The following NUDT3 variants were observed in gnomAD, a reference collection of about 807,000 sequenced individuals.
NUDT3 encodes the protein diphosphoinositol polyphosphate phosphohydrolase 1.
A neutral mutation model predicts 23.6 loss-of-function variants in NUDT3; 9 were observed. That is an observed-to-expected ratio of 0.38 (90% CI 0.23 to 0.66). NUDT3 has a LOEUF of 0.66. NUDT3 is among the 30% of genes least tolerant of loss of function. NUDT3 has a pLI of 0.52. For synonymous variants in NUDT3, 86 were observed against 82.6 expected (o/e 1.04, Z -0.22); for missense variants, 172 against 218.5 (o/e 0.79, Z 1.34).
chr6:34,365,716 G>A (rs1437391013), intron 1 of NUDT3, among the ~76,000 whole-genome samples: 3 of 152,016 alleles, frequency 2.0e-5, no homozygotes, highest in African/African-American at 4.8e-5. Flanking sequence ...AGTTCGAGAC[G>A]AGTCTGGGTC....
At chr6:34,325,224 A>T (rs1228576421) in intron 2 of NUDT3, among the ~76,000 whole-genome samples, 3 of 149,862 alleles carry the variant, frequency 2.0e-5, no homozygotes, top group Non-Finnish European at 3.0e-5. Flanking sequence ...TATATAATGA[A>T]TTTTTTTTTC....
At chr6:34,341,995 T>C in intron 1 of NUDT3, 23 bp from the exon 2 acceptor site, 1 of 1,601,282 alleles carries the variant, frequency 6.2e-7, no homozygotes, top group South Asian at 1.1e-5. Context: ...AAAGGTTGCA[T>C]GGGGGGGTTA....
At chr6:34,351,214 A>AGAAAAAAC (rs1561915102) in intron 1 of NUDT3, among the ~76,000 whole-genome samples, 1 of 136,264 alleles carries the variant, frequency 7.3e-6, no homozygotes, top group Admixed American at 7.4e-5. Context: ...AAAAAAAAAA[A>AGAAAAAAC]AAAAAAAAAA....
In NUDT3 at chr6:34,346,812, G is replaced by A. The variant is rs369229960; in HGVS notation, c.100-4840C>T. 1.1e-3 allele frequency among the ~76,000 whole-genome samples: 168 copies of A among 152,140 alleles called. 1 individual carries two copies. Among genetic ancestry groups the A allele is most frequent in the East Asian group, 3.9e-3 (20 of 5,184 alleles). On this transcript the variant is annotated intron_variant, in intron 1 of 4. Transcript: ENST00000607016. ...ATTCTGTTGCCCAGGCTGAAGCGCC[G>A]TGGCAGGATCAAAGTTCACTGCAGC...
At chr6:34,333,903 C>T (rs150200080) in intron 2 of NUDT3, among the ~76,000 whole-genome samples, 59 of 152,310 alleles carry the variant, frequency 3.9e-4, no homozygotes, top group Non-Finnish European at 7.1e-4. Flanking sequence ...CTTAGGAAGG[C>T]TGAATACAGA....
chr6:34,358,294 CCTT>C, intron 1 of NUDT3, among the ~76,000 whole-genome samples: 1 of 151,716 alleles, frequency 6.6e-6, no homozygotes, highest in East Asian at 1.9e-4. Flanking sequence ...CACACACACC[CCTT>C]ATAATTTCTA....
At chr6:34,319,324 C>A (rs1489484283) in intron 2 of NUDT3, among the ~76,000 whole-genome samples, 1 of 152,192 alleles carries the variant, frequency 6.6e-6, no homozygotes, top group African/African-American at 2.4e-5. Flanking sequence ...AGTCACAAGT[C>A]CAGGCCTCTA....
At chr6:34,348,927 G>A (rs1581881738) in intron 1 of NUDT3, among the ~76,000 whole-genome samples, 2 of 151,734 alleles carry the variant, frequency 1.3e-5, no homozygotes, top group Admixed American at 6.6e-5. Flanking sequence ...TGGTGCAATC[G>A]TGGCTTACTG....
At chr6:34,368,071 T>G (rs1227094683) in intron 1 of NUDT3, among the ~76,000 whole-genome samples, 2 of 152,098 alleles carry the variant, frequency 1.3e-5, no homozygotes, top group African/African-American at 4.8e-5. Flanking sequence ...CGTGGTGGCA[T>G]GTGCCTGTAG....
Position 34,285,477 on chromosome 6 carries a change from G to A in NUDT3, c.*3276C>T, listed in dbSNP as rs1763323169. The A allele has an allele frequency of 6.6e-6, 1 of 152,192 alleles. No individual in the cohort carries two copies. The highest frequency in any genetic ancestry group is 2.1e-4 in the South Asian group (1 of 4,828). The allele number at this position is 152,192 out of a possible 1,614,324, so 9.4% of individuals were successfully genotyped here. A position where few individuals can be genotyped will look rare whatever the true frequency, so the allele number is the denominator to read the frequency against. ...TTGGTAGACTTTAATGGATGCTCCAGCAATAACCAGAATCTAGGACATGCA... is the reference window on the plus strand; with the variant it reads ...TTGGTAGACTTTAATGGATGCTCCAACAATAACCAGAATCTAGGACATGCA... On this transcript the variant is annotated 3_prime_UTR_variant, in exon 5 of 5. Transcript: ENST00000607016.
intron 1 of NUDT3, among the ~76,000 whole-genome samples, chr6:34,381,112 G>A (rs774211286): frequency 6.6e-6 from 1 of 152,038 alleles, no homozygotes; most frequent in Non-Finnish European, 1.5e-5. Context: ...GACCTCCCAC[G>A]CTCCAGTGAT....
chr6:34,382,686 C>T (rs1765041297), intron 1 of NUDT3, among the ~76,000 whole-genome samples: 1 of 151,706 alleles, frequency 6.6e-6, no homozygotes, highest in Admixed American at 6.6e-5. Flanking sequence ...AATAAATTAG[C>T]CAGGCATGGT....
At chr6:34,373,799 C>T (rs967992332) in intron 1 of NUDT3, among the ~76,000 whole-genome samples, 1 of 152,142 alleles carries the variant, frequency 6.6e-6, no homozygotes, top group African/African-American at 2.4e-5. Context: ...TGTGTTACAG[C>T]CTTTCATTCC....
intron 2 of NUDT3, among the ~76,000 whole-genome samples, chr6:34,296,283 T>A (rs373863276): frequency 4.1e-5 from 6 of 146,958 alleles, no homozygotes; most frequent in South Asian, 2.2e-4. Flanking sequence ...ATAAATAAAT[T>A]AATTAATTGG....
At chr6:34,304,975 A>AT (rs535349190) in intron 2 of NUDT3, among the ~76,000 whole-genome samples, 4,759 of 85,302 alleles carry the variant, frequency 0.056, 274 homozygotes, top group African/African-American at 0.098. Context: ...CCCGGTCTGA[A>AT]TTTTTTTTTT....
Position 34,392,343 on chromosome 6 carries a change from T to G in NUDT3, c.20A>C (p.Asn7Thr). 1.2e-6 allele frequency: 2 copies of G among 1,605,106 alleles called. No individual in the cohort carries two copies. Among genetic ancestry groups the G allele is most frequent in the Non-Finnish European group, 8.5e-7 (1 of 1,177,076 alleles). ...GTCGCCGTCGTAGGTGCGGGTCTGG[T>G]TCGACTTGAGCTTCATCATCCTCCG... Reference protein sequence around the residue: MMKLKSNQTRTYDGDGY... With the variant: MMKLKSTQTRTYDGDGY... The change falls in exon 1 of 5, where the codon AAC (asparagine) becomes ACC (threonine). Residue 7 changes from asparagine (N) to threonine (T), a missense_variant. Physicochemically the swap from Asn to Thr is moderately conservative, Grantham distance 65. This residue lies in a region of NUDT3 where 50 missense variants were observed against 46.2 expected (regional missense o/e 1.08). Transcript: ENST00000607016.
chr6:34,361,991 T>C lies in NUDT3; in HGVS notation c.100-20019A>G, dbSNP rs193135027. Among the ~76,000 whole-genome samples, 524 of 152,240 alleles carry C rather than the reference T, an allele frequency of 3.4e-3. 3 individuals carry two copies. The highest frequency in any genetic ancestry group is 3.7e-3 in the Non-Finnish European group (249 of 68,020). ...AGAACTCTAATGTAAAGTATGGGCT[T>C]TGGGTGATAATCATGTGTCATAGTA... On this transcript the variant is annotated intron_variant, in intron 1 of 4. Transcript: ENST00000607016.
chr6:34,353,196 G>A (rs1764504611), intron 1 of NUDT3, among the ~76,000 whole-genome samples: 1 of 152,018 alleles, frequency 6.6e-6, no homozygotes, highest in South Asian at 2.1e-4. Context: ...TATACACATT[G>A]TTCTACTTTG....
At chr6:34,373,122 A>G (rs1764859796) in intron 1 of NUDT3, among the ~76,000 whole-genome samples, 1 of 151,650 alleles carries the variant, frequency 6.6e-6, no homozygotes, top group Non-Finnish European at 1.5e-5. Flanking sequence ...TACTAAGAAT[A>G]CAAAAAATTA....
Sources: gnomAD v4.1 joint callset for allele counts (sites outside exome capture counted in the v4.1 genomes callset) on GRCh38, gnomAD v4.1.1 for gene constraint, gnomAD v4.1.1 regional missense constraint, MANE v1.5 for transcripts, NCBI Gene and HGNC (gene_info 2026-07-23, HGNC 2026-07-21) for gene names.